Variants in APOO observed in about 807,000 individuals in gnomAD.
APOO encodes the protein apolipoprotein O.
Under a neutral mutation model 23.1 loss-of-function variants are expected in APOO, and 11 were observed. The observed-to-expected ratio is 0.48, with a 90% CI of 0.30 to 0.79. The LOEUF is 0.79. Ranked by LOEUF, APOO falls within the 30% of genes least tolerant of loss-of-function variation. The pLI is 0.07. For synonymous variants in APOO, 59 were observed against 54.8 expected (o/e 1.08, Z -0.34); for missense variants, 160 against 142.7 (o/e 1.12, Z -0.62).
chrX:23,837,254 G>A (rs760256730), intron 8 of APOO: 13 of 587,411 alleles, frequency 2.2e-5, no homozygotes, highest in African/African-American at 1.4e-4. Context: ...ATAACTGTGC[G>A]TCCCTTCAGA....
chrX:23,882,833 G>A (rs986960721), intron 1 of APOO, among the ~76,000 whole-genome samples: 6 of 110,683 alleles, frequency 5.4e-5, no homozygotes, highest in African/African-American at 1.6e-4. Flanking sequence ...TTTTTGTAGA[G>A]ACAGGGTTTT....
chrX:23,841,819 C>A (rs764386307), intron 7 of APOO, among the ~76,000 whole-genome samples: 1 of 111,120 alleles, frequency 9.0e-6, no homozygotes, highest in Non-Finnish European at 1.9e-5. Context: ...AAACTCCCTA[C>A]TGGGACAAGA....
chrX:23,878,168 T>C (rs1331405746), intron 3 of APOO, among the ~76,000 whole-genome samples: 4 of 111,975 alleles, frequency 3.6e-5, no homozygotes, highest in Admixed American at 9.6e-5. Context: ...ATTTGTATAG[T>C]GGGGGGAGAA....
At chrX:23,858,869 G>A in intron 5 of APOO, 136 bp from the exon 6 acceptor site, 1 of 498,322 alleles carries the variant, frequency 2.0e-6, no homozygotes, top group Non-Finnish European at 3.2e-6. Flanking sequence ...GGGAGGCCGA[G>A]GCGGGAGGAT....
rs934571442 is a variant in APOO at position 23,907,803 on chromosome X, C to A, written c.-101G>T. 20 of 983,191 alleles carry A rather than the reference C, an allele frequency of 2.0e-5. No homozygotes were observed. The African/African-American group carries it at 3.7e-4, about 18-fold the overall frequency. 81.0% of individuals were successfully genotyped at this position (983,191 alleles called of 1,213,427 possible). A position where few individuals can be genotyped will look rare whatever the true frequency, so the allele number is the denominator to read the frequency against. ...CCCGGTAGGGCCTTGATTTCTCCAA[C>A]CGCAAGCAGGCAGCGGTGCGGGTGA... On this transcript the variant is annotated 5_prime_UTR_variant, in exon 1 of 9. Transcript: ENST00000379226.
chrX:23,842,700 G>C (rs749222303), intron 7 of APOO, among the ~76,000 whole-genome samples: 25 of 111,181 alleles, frequency 2.2e-4, no homozygotes, highest in Non-Finnish European at 2.1e-4. Flanking sequence ...CAACAATCGG[G>C]TCTGGCATAA....
chrX:23,892,357 C>T (rs922126317), intron 1 of APOO, among the ~76,000 whole-genome samples: 2 of 109,161 alleles, frequency 1.8e-5, no homozygotes, highest in African/African-American at 3.3e-5. Context: ...CGGATTCAAG[C>T]GATTCTCCTG....
chrX:23,846,760 T>G (rs776648716), intron 7 of APOO, among the ~76,000 whole-genome samples: 1 of 111,271 alleles, frequency 9.0e-6, no homozygotes, highest in African/African-American at 3.3e-5. Context: ...TTAGGACTAT[T>G]CTGAAAGGGT....
chrX:23,882,280 T>G (rs1926183426), intron 1 of APOO, among the ~76,000 whole-genome samples: 1 of 112,592 alleles, frequency 8.9e-6, no homozygotes, highest in African/African-American at 3.2e-5. Context: ...TATTTGCTTC[T>G]GAAATATGGG....
At chrX:23,879,254 G>A (rs1487394453) in intron 2 of APOO, among the ~76,000 whole-genome samples, 1 of 111,211 alleles carries the variant, frequency 9.0e-6, no homozygotes, top group Non-Finnish European at 1.9e-5. Context: ...TAGCCAACAT[G>A]GCGAAACCCA....
intron 8 of APOO, among the ~76,000 whole-genome samples, chrX:23,838,468 G>C (rs1206482127): frequency 1.8e-5 from 2 of 108,395 alleles, no homozygotes; most frequent in African/African-American, 6.7e-5. Context: ...CCAGGCTAGA[G>C]TGCAATGGCA....
Position 23,895,360 on chromosome X carries a change from T to C in APOO, c.9+12334A>G, listed in dbSNP as rs1174082286. 6.3e-5 allele frequency among the ~76,000 whole-genome samples: 7 copies of C among 111,464 alleles called. No homozygotes were observed. The East Asian group carries it at 2.0e-3, about 31-fold the overall frequency. ...AATGAGTTCTTTATAGGGACATGGA[T>C]GAAGCTAGAAACCATCATTCTCAGC... On this transcript the variant is annotated intron_variant, in intron 1 of 8. Coordinates refer to ENST00000379226, the MANE Select transcript of APOO (RefSeq NM_024122.5).
intron 1 of APOO, among the ~76,000 whole-genome samples, chrX:23,884,474 T>C (rs906357143): frequency 8.9e-6 from 1 of 112,288 alleles, no homozygotes; most frequent in East Asian, 2.8e-4. Context: ...ACAAGAATCG[T>C]GTATATTTAT....
chrX:23,843,066 T>A (rs1049615347), intron 7 of APOO, among the ~76,000 whole-genome samples: 12 of 111,456 alleles, frequency 1.1e-4, no homozygotes, highest in Non-Finnish European at 1.7e-4. Flanking sequence ...TTAAATACAG[T>A]TTAGGTCTGA....
chrX:23,898,297 T>G (rs1306292253), intron 1 of APOO, among the ~76,000 whole-genome samples: 1 of 109,134 alleles, frequency 9.2e-6, no homozygotes, highest in Admixed American at 1.0e-4. Flanking sequence ...CGGGCGGGGT[T>G]TCGCCATGTT....
intron 4 of APOO, among the ~76,000 whole-genome samples, chrX:23,872,244 A>G (rs1191350457): frequency 9.0e-6 from 1 of 110,981 alleles, no homozygotes; most frequent in African/African-American, 3.3e-5. Context: ...GCCTCTACAA[A>G]AAGTGGAAAA....
intron 5 of APOO, among the ~76,000 whole-genome samples, chrX:23,863,757 C>G (rs1925208128): frequency 9.1e-6 from 1 of 110,457 alleles, no homozygotes; most frequent in East Asian, 2.8e-4. Flanking sequence ...AGACCAGTCC[C>G]AAAACAAGAA....
chrX:23,854,531 G>GT (rs1477567090), intron 7 of APOO, among the ~76,000 whole-genome samples: 2 of 111,219 alleles, frequency 1.8e-5, no homozygotes, highest in Non-Finnish European at 3.8e-5. Flanking sequence ...GTTTGTTTTT[G>GT]TTTTTTTGAG....
intron 7 of APOO, chrX:23,840,601 G>C: frequency 7.0e-6 from 2 of 286,910 alleles, no homozygotes. Flanking sequence ...TTACTGCAAA[G>C]TGATCCATCT....
Sources: allele counts gnomAD v4.1 joint callset (sites outside exome capture counted in the v4.1 genomes callset), GRCh38; gene constraint gnomAD v4.1.1; transcripts MANE v1.5; gene names NCBI Gene and HGNC (gene_info 2026-07-23, HGNC 2026-07-21).